Variants in SLC37A3 observed in about 807,000 individuals in gnomAD.
SLC37A3 encodes the protein solute carrier family 37 member 3.
A neutral mutation model predicts 67.1 loss-of-function variants in SLC37A3; 51 were observed. That is an observed-to-expected ratio of 0.76 (90% CI 0.61 to 0.96). SLC37A3 has a LOEUF of 0.96. Among genes scored for constraint, SLC37A3 ranks in the 40% least tolerant of loss-of-function variants. The pLI is 0.00. For missense variants in SLC37A3, 508 were observed against 603.0 expected (o/e 0.84, Z 1.65); for synonymous variants, 214 against 231.4 (o/e 0.92, Z 0.68).
intron 13 of SLC37A3, among the ~76,000 whole-genome samples, chr7:140,342,425 C>T (rs774263687): frequency 1.3e-5 from 2 of 152,194 alleles, no homozygotes; most frequent in Non-Finnish European, 2.9e-5. Context: ...CCCTTGACTA[C>T]AGGTTACTCT....
intron 5 of SLC37A3, among the ~76,000 whole-genome samples, chr7:140,363,899 C>G (rs866252055): frequency 1.2e-4 from 18 of 152,138 alleles, no homozygotes; most frequent in Non-Finnish European, 1.9e-4. Flanking sequence ...TTTATTCAGA[C>G]TATTAATTAA....
rs1268012398 is a variant in SLC37A3 at position 140,398,445 on chromosome 7, GC to G, written c.-101del. On this transcript the variant is annotated 5_prime_UTR_variant, in exon 1 of 15. Coordinates refer to ENST00000326232, the MANE Select transcript of SLC37A3 (RefSeq NM_207113.3). ...GATCCGCAGTGGTCGCCGCTCTCCAGCCCCGGCTCCGCTCGCCGGGTCAGCT... is the reference window on the plus strand; with the variant it reads ...GATCCGCAGTGGTCGCCGCTCTCCAGCCCGGCTCCGCTCGCCGGGTCAGCT... 6.6e-6 allele frequency: 1 copy of G among 152,068 alleles called. No individual in the cohort carries two copies. The highest frequency in any genetic ancestry group is 2.4e-5 in the African/African-American group (1 of 41,306). 9.4% of individuals were successfully genotyped at this position (152,068 alleles called of 1,614,324 possible). A position where few individuals can be genotyped will look rare whatever the true frequency, so the allele number is the denominator to read the frequency against.
At position 140,380,325 on chromosome 7, in the gene SLC37A3, C is replaced by T. The variant is rs1355991464; in HGVS notation, c.155G>A (p.Trp52Ter). Residue 52 changes from tryptophan (W) to a stop codon, truncating the protein, a stop_gained, in exon 3 of 15, where the codon TGG becomes TAG. Coordinates refer to ENST00000326232, the MANE Select transcript of SLC37A3 (RefSeq NM_207113.3). LOFTEE classifies it high-confidence loss of function. ...SNVKVSISEQWTPSAFNTSVE... is the reference protein window; with the variant it reads ...SNVKVSISEQ ...TGACGTGTTAAAAGCACTTGGGGTC[C>T]ACTGCTCAGAGATACTGACTTTGAC... The T allele has an allele frequency of 1.9e-6, 3 of 1,613,468 alleles. No homozygotes were observed. The highest frequency in any genetic ancestry group is 2.5e-6 in the Non-Finnish European group (3 of 1,179,518).
chr7:140,356,021 C>T (rs1585286612), intron 6 of SLC37A3, among the ~76,000 whole-genome samples: 1 of 151,812 alleles, frequency 6.6e-6, no homozygotes, highest in Non-Finnish European at 1.5e-5. Flanking sequence ...ATGGAGAAAC[C>T]CCATCTCTAC....
chr7:140,367,821 T>G (rs1458644891), intron 4 of SLC37A3, among the ~76,000 whole-genome samples: 1 of 51,766 alleles, frequency 1.9e-5, no homozygotes, highest in Non-Finnish European at 5.5e-5. Context: ...CCCACCTTCC[T>G]TTTTTTTTTT....
intron 1 of SLC37A3, among the ~76,000 whole-genome samples, chr7:140,393,091 C>CA (rs374730025): frequency 7.5e-4 from 111 of 147,560 alleles, no homozygotes; most frequent in African/African-American, 2.0e-3. Flanking sequence ...GACTCCGTCC[C>CA]AAAAAAAAAA....
intron 3 of SLC37A3, among the ~76,000 whole-genome samples, chr7:140,373,180 ACCTCGTGATCTGCCCCACCC>A: frequency 6.6e-6 from 1 of 151,898 alleles, no homozygotes; most frequent in East Asian, 2.0e-4. Flanking sequence ...CGAACTCCTG[ACCTCGTGATCTGCCCCACCC>A]CCTCCTCGGC....
intron 5 of SLC37A3, among the ~76,000 whole-genome samples, chr7:140,361,869 T>C (rs1462036726): frequency 1.4e-5 from 2 of 144,486 alleles, no homozygotes; most frequent in South Asian, 4.8e-4. Context: ...GTGCCCAGGC[T>C]GGAGTGCAGT....
chr7:140,357,077 G>A (rs1797058912), intron 6 of SLC37A3, among the ~76,000 whole-genome samples: 1 of 152,036 alleles, frequency 6.6e-6, no homozygotes, highest in South Asian at 2.1e-4. Context: ...AGCTGGGCAT[G>A]GTGGCGGGCC....
At chr7:140,337,584 T>G (rs1796193524) in intron 13 of SLC37A3, 1 of 342,784 alleles carries the variant, frequency 2.9e-6, no homozygotes, top group Non-Finnish European at 5.3e-6. Flanking sequence ...TTCAGAAGGT[T>G]TATTTTTATT....
At chr7:140,379,279 C>T (rs1187100523) in intron 3 of SLC37A3, 1 of 151,796 alleles carries the variant, frequency 6.6e-6, no homozygotes, top group Non-Finnish European at 1.5e-5. Context: ...CGAGACCATC[C>T]TGGCTAACAT....
chr7:140,389,900 A>T (rs1798657441), intron 1 of SLC37A3, among the ~76,000 whole-genome samples: 1 of 152,154 alleles, frequency 6.6e-6, no homozygotes, highest in Non-Finnish European at 1.5e-5. Context: ...GTTCAATATC[A>T]GCCTGGGCAA....
rs1394907289 is a variant in SLC37A3, at chr7:140,343,714, A to G, written c.1175-151T>C. Reference sequence around the variant, plus strand: ...CCCCAGATAGTATCATTTTCAAACTATTAGTAGTTAACATCCACGTTCCTG... The same window carrying G: ...CCCCAGATAGTATCATTTTCAAACTGTTAGTAGTTAACATCCACGTTCCTG... On this transcript the variant is annotated intron_variant, in intron 12 of 14. Transcript: ENST00000326232. The G allele has an allele frequency of 5.5e-6, 4 of 724,978 alleles. No individual in the cohort carries two copies. The East Asian group carries it at 1.1e-4, about 20-fold the overall frequency. The allele number at this position is 724,978 out of a possible 1,614,324, so 44.9% of individuals were successfully genotyped here. A position where few individuals can be genotyped will look rare whatever the true frequency, so the allele number is the denominator to read the frequency against.
At chr7:140,367,614 T>C (rs1345251196) in intron 4 of SLC37A3, among the ~76,000 whole-genome samples, 1 of 152,066 alleles carries the variant, frequency 6.6e-6, no homozygotes, top group Non-Finnish European at 1.5e-5. Context: ...AAAGACAGCA[T>C]CTTATATGCT....
intron 10 of SLC37A3, among the ~76,000 whole-genome samples, chr7:140,348,072 A>AT (rs1796638772): frequency 6.6e-6 from 1 of 152,252 alleles, no homozygotes; most frequent in South Asian, 2.1e-4. Flanking sequence ...ATACTGTAAC[A>AT]TAAGTTATAT....
chr7:140,379,542 A>G (rs1798165798), intron 3 of SLC37A3: 1 of 151,990 alleles, frequency 6.6e-6, no homozygotes, highest in African/African-American at 2.4e-5. Flanking sequence ...TATGCAAGAC[A>G]GTGTACAAGA....
At chr7:140,342,497 C>T (rs57880245) in intron 13 of SLC37A3, among the ~76,000 whole-genome samples, 1,965 of 152,214 alleles carry the variant, frequency 0.013, 36 homozygotes, top group African/African-American at 0.044. Flanking sequence ...ATTCTCTTTC[C>T]CTATTAAATG....
intron 4 of SLC37A3, among the ~76,000 whole-genome samples, chr7:140,369,262 T>C (rs1031624691): frequency 3.3e-5 from 5 of 152,186 alleles, no homozygotes; most frequent in African/African-American, 1.2e-4. Flanking sequence ...TTTTCCTCCG[T>C]TGTACTTACC....
chr7:140,388,550 C>T (rs947014064), intron 1 of SLC37A3, among the ~76,000 whole-genome samples: 1 of 152,104 alleles, frequency 6.6e-6, no homozygotes, highest in East Asian at 1.9e-4. Context: ...TGGTGGCTCA[C>T]GTCTGGAATC....
Sources: allele counts gnomAD v4.1 joint callset (sites outside exome capture counted in the v4.1 genomes callset), GRCh38; gene constraint gnomAD v4.1.1; transcripts MANE v1.5; gene names NCBI Gene and HGNC (gene_info 2026-07-23, HGNC 2026-07-21).